MAST4: variants seen among roughly 807,000 people sequenced by gnomAD.
MAST4 encodes microtubule-associated serine/threonine-protein kinase 4.
A neutral mutation model predicts 162.7 loss-of-function variants in MAST4; 89 were observed. The ratio of observed to expected loss-of-function variants is 0.55; its 90% confidence interval spans 0.46 to 0.65. MAST4 has a LOEUF of 0.65. Among genes scored for constraint, MAST4 ranks in the 30% least tolerant of loss-of-function variants. The pLI is 0.00. For missense variants in MAST4, 3,153 were observed against 3,374.0 expected, an observed-to-expected ratio of 0.93 and a Z score of 1.62; for synonymous variants, 1,479 against 1,361.1, an observed-to-expected ratio of 1.09 and a Z score of -1.91.
At chr5:66,697,819 AT>A (rs1482237841) in intron 1 of MAST4, among the ~76,000 whole-genome samples, 2 of 152,222 alleles carry the variant, frequency 1.3e-5, no homozygotes, top group Non-Finnish European at 2.9e-5. Context: ...TATGGTAAAT[AT>A]CAACAGATAT....
At chr5:67,078,722 A>ATATTTATCTAAATATATATT (rs1561620426) in intron 5 of MAST4, among the ~76,000 whole-genome samples, 1,495 of 114,904 alleles carry the variant, frequency 0.013, 61 homozygotes, top group African/African-American at 0.059. Flanking sequence ...TATTTATATT[A>ATATTTATCTAAATATATATT]TATTTATATT....
At chr5:67,035,901 G>A (rs1755964594) in intron 4 of MAST4, among the ~76,000 whole-genome samples, 2 of 152,118 alleles carry the variant, frequency 1.3e-5, no homozygotes, top group Non-Finnish European at 1.5e-5. Flanking sequence ...ATGCTATGGG[G>A]AGGCCAGACA....
At chr5:66,667,721 T>C (rs1223566309) in intron 1 of MAST4, among the ~76,000 whole-genome samples, 1 of 152,230 alleles carries the variant, frequency 6.6e-6, no homozygotes, top group Non-Finnish European at 1.5e-5. Flanking sequence ...GAACACTACC[T>C]ATTTGCTTAA....
Position 67,163,130 on chromosome 5 carries a change from CTG to C in MAST4, c.3968-15_3968-14del, listed in dbSNP as rs746275802. On this transcript the variant is annotated splice_polypyrimidine_tract_variant and intron_variant, in intron 28 of 28. Coordinates refer to ENST00000403625, the MANE Select transcript of MAST4 (RefSeq NM_001164664.2). The surrounding 1 kb of genome is among the most constrained non-coding windows in gnomAD (Gnocchi z 7.0). ...AATGACCATGGATGCTCACAGCCTT[CTG>C]TTTTCCATCCACAGGTACTAATTCC... 1.9e-6 allele frequency: 3 copies of C among 1,588,736 alleles called. No individual in the cohort carries two copies. The highest frequency in any genetic ancestry group is 2.6e-6 in the Non-Finnish European group (3 of 1,162,180).
At chr5:66,761,974 T>G (rs1753871428) in intron 2 of MAST4, among the ~76,000 whole-genome samples, 1 of 152,240 alleles carries the variant, frequency 6.6e-6, no homozygotes, top group African/African-American at 2.4e-5. Context: ...CAACTATTTT[T>G]GATAGATAGG....
At chr5:67,052,065 G>A (rs1406551512) in intron 4 of MAST4, among the ~76,000 whole-genome samples, 4 of 152,076 alleles carry the variant, frequency 2.6e-5, no homozygotes, top group East Asian at 1.9e-4. Flanking sequence ...ATATACCTTC[G>A]ATAATTTGTT....
At chr5:66,975,992 C>G (rs775434293) in intron 4 of MAST4, among the ~76,000 whole-genome samples, 10 of 151,840 alleles carry the variant, frequency 6.6e-5, no homozygotes, top group Non-Finnish European at 1.2e-4. Context: ...AGCTAGACTC[C>G]ATCTAAAAAA....
Position 66,654,750 on chromosome 5 carries a change from GAAAC to G in MAST4, c.363+57739_363+57742del, listed in dbSNP as rs568969493. Among the ~76,000 whole-genome samples, 11 of 152,138 alleles carry G rather than the reference GAAAC, an allele frequency of 7.2e-5. No homozygotes were observed. In the South Asian group the frequency reaches 1.2e-3, roughly 17 times the overall value. The stretch of plus-strand genomic sequence containing the variant: ...TTATGTTAAGATTGTTTTTAAGCAG[GAAAC>G]AAACAAGATTCAGCTCAAAGATGAG... On this transcript the variant is annotated intron_variant, in intron 1 of 28. Transcript: ENST00000403625.
intron 1 of MAST4, among the ~76,000 whole-genome samples, chr5:66,699,910 C>T (rs554828752): frequency 4.6e-5 from 7 of 151,788 alleles, no homozygotes; most frequent in East Asian, 1.9e-4. Flanking sequence ...ACATATATCC[C>T]GGAACTTAAA....
intron 4 of MAST4, among the ~76,000 whole-genome samples, chr5:66,975,770 G>T (rs1561495814): frequency 6.6e-6 from 1 of 152,154 alleles, no homozygotes. Context: ...GAAGCAGGTG[G>T]ATCACCTGAG....
intron 19 of MAST4, among the ~76,000 whole-genome samples, chr5:67,140,249 C>T (rs750571400): frequency 4.6e-5 from 7 of 152,190 alleles, no homozygotes; most frequent in Admixed American, 2.0e-4. Flanking sequence ...ACCCAACACC[C>T]GCACCGTGCT....
chr5:66,696,038 T>C lies in MAST4; in HGVS notation c.364-63671T>C, dbSNP rs373268658. 1.6e-3 allele frequency among the ~76,000 whole-genome samples: 251 copies of C among 152,270 alleles called. 1 individual carries two copies. Among genetic ancestry groups the C allele is most frequent in the African/African-American group, 5.7e-3 (235 of 41,548 alleles). ...TATGCAGCCATAAAAAGGAATGAGA[T>C]CATGTTCTTTGCAGGGACATGGATA... On this transcript the variant is annotated intron_variant, in intron 1 of 28. Transcript: ENST00000403625.
chr5:67,142,393 G>A, intron 20 of MAST4, 28 bp from the exon 21 acceptor site: 2 of 1,540,214 alleles, frequency 1.3e-6, no homozygotes, highest in South Asian at 1.2e-5. Flanking sequence ...CTGAGTAATT[G>A]GACCTGTTCC....
chr5:66,880,958 C>T (rs1266506058), intron 3 of MAST4, among the ~76,000 whole-genome samples: 2 of 152,148 alleles, frequency 1.3e-5, no homozygotes, highest in East Asian at 3.8e-4. Context: ...CACTCCCTCC[C>T]ATAGATCTTG....
rs187565582 is a variant in MAST4 at position 66,868,176 on chromosome 5, A to T, written c.643-31775A>T. The stretch of plus-strand genomic sequence containing the variant: ...GATAATAGCTGTACTTAAGTGACTA[A>T]GCTCAAAGGTTTAGAGTTTGTACCT... On this transcript the variant is annotated intron_variant, in intron 3 of 28. Transcript: ENST00000403625. Among the ~76,000 whole-genome samples the T allele has an allele frequency of 5.3e-5, 8 of 152,308 alleles. No homozygotes were observed. The East Asian group carries it at 1.5e-3, about 29-fold the overall frequency.
chr5:66,687,746 A>G (rs990991851), intron 1 of MAST4, among the ~76,000 whole-genome samples: 8 of 152,054 alleles, frequency 5.3e-5, no homozygotes, highest in South Asian at 2.1e-4. Flanking sequence ...TGGCTTTGCT[A>G]TTGTGAACAG....
Position 67,019,362 on chromosome 5 carries a change from A to G in MAST4, c.675-35042A>G, listed in dbSNP as rs569949657. ...ACATTTCAGGTCCTGTTTTTCTCCA[A>G]CTGTATTTGGATCTCTCTTGAAATG... On this transcript the variant is annotated intron_variant, in intron 4 of 28. Coordinates refer to ENST00000403625, the MANE Select transcript of MAST4 (RefSeq NM_001164664.2). Among the ~76,000 whole-genome samples, 6 of 152,268 alleles carry G rather than the reference A, an allele frequency of 3.9e-5. No individual in the cohort carries two copies. In the East Asian group the frequency reaches 9.7e-4, roughly 24 times the overall value.
intron 4 of MAST4, among the ~76,000 whole-genome samples, chr5:67,005,509 C>T (rs1751920940): frequency 6.6e-6 from 1 of 152,174 alleles, no homozygotes; most frequent in African/African-American, 2.4e-5. Context: ...TTATAAGATG[C>T]AGATGTACGA....
chr5:66,751,661 T>C (rs1436480276), intron 1 of MAST4, among the ~76,000 whole-genome samples: 1,898 of 150,422 alleles, frequency 0.013, 37 homozygotes, highest in African/African-American at 0.043. Context: ...ACCAAATCTA[T>C]GTCTGATTGG....
Sources: allele counts gnomAD v4.1 joint callset (sites outside exome capture counted in the v4.1 genomes callset), GRCh38; gene constraint gnomAD v4.1.1; non-coding constraint Gnocchi (gnomAD v3.1); transcripts MANE v1.5; gene names NCBI Gene and HGNC (gene_info 2026-07-23, HGNC 2026-07-21).